The following CDCA2 variants were observed in gnomAD, a reference collection of about 807,000 sequenced individuals.
CDCA2 encodes the protein cell division cycle associated 2.
In CDCA2, 44 loss-of-function variants were observed where a neutral mutation model predicts 67.0. The ratio of observed to expected loss-of-function variants is 0.66; its 90% CI spans 0.52 to 0.84. CDCA2 has a LOEUF of 0.84. Ranked by LOEUF, CDCA2 falls within the 40% of genes least tolerant of loss-of-function variation. The probability of loss-of-function intolerance (pLI) is 0.00; values close to 1 mark genes in which losing one functional copy is unlikely to be tolerated. For missense variants in CDCA2, 1,253 were observed against 1,203.2 expected (o/e 1.04, Z -0.61); for synonymous variants, 447 against 418.7 (o/e 1.07, Z -0.82).
chr8:25,497,126 G>A (rs962009849), intron 13 of CDCA2, among the ~76,000 whole-genome samples: 6 of 152,222 alleles, frequency 3.9e-5, no homozygotes, highest in African/African-American at 1.4e-4. Context: ...CTGGACTCTA[G>A]TTGTTTATGA....
chr8:25,505,575 T>A (rs1203670497), intron 14 of CDCA2, among the ~76,000 whole-genome samples: 2 of 152,264 alleles, frequency 1.3e-5, no homozygotes, highest in Non-Finnish European at 2.9e-5. Context: ...CTGACCTGTT[T>A]AATCTCTAGC....
chr8:25,468,546 T>TGTGC (rs1405732751), intron 6 of CDCA2, 133 bp downstream of exon 6: 5 of 518,718 alleles, frequency 9.6e-6, no homozygotes, highest in Non-Finnish European at 1.7e-5. Context: ...TGTGTGTGTG[T>TGTGC]GTGTGTGTGT....
In CDCA2 at chr8:25,507,734, A is replaced by C. The variant is rs1364392628; in HGVS notation, c.3068A>C (p.Gln1023Pro). The change falls in exon 15 of 15, where the codon CAG (glutamine) becomes CCG (proline). Residue 1023 changes from glutamine to proline, a missense_variant. Coordinates refer to ENST00000330560, the MANE Select transcript of CDCA2 (RefSeq NM_152562.4). ...ERIEHNGERK[Q>P] is the part of the protein sequence containing the mutation. ...ATTGAACATAATGGAGAAAGAAAGC[A>C]GTAATTGACATTTCCTGCAGAGTCT... The C allele has an allele frequency of 3.7e-6, 6 of 1,609,308 alleles. No individual in the cohort carries two copies. In the Admixed American group the frequency reaches 1.0e-4, roughly 27 times the overall value.
Position 25,488,678 on chromosome 8 carries a change from A to G in CDCA2, c.1660A>G (p.Lys554Glu), listed in dbSNP as rs181547876. The G allele has an allele frequency of 5.0e-6, 8 of 1,605,764 alleles. No homozygotes were observed. In the Admixed American group the frequency reaches 1.2e-4, roughly 24 times the overall value. ...ETKCTKRALP[K>E]KSQVLKSCRK... ...AAAGTGTACAAAGAGAGCACTTCCT[A>G]AGAAGAGTCAGGTAAGCATGTGTTT... The change falls in exon 13 of 15, where the codon AAG becomes GAG. Residue 554 changes from lysine (K) to glutamate (E), a missense_variant. Transcript: ENST00000330560.
At chr8:25,474,370 T>C (rs1803268556) in intron 7 of CDCA2, among the ~76,000 whole-genome samples, 1 of 152,246 alleles carries the variant, frequency 6.6e-6, no homozygotes, top group Admixed American at 6.5e-5. Context: ...GTTCTTTAAA[T>C]GTTTGATGGA....
chr8:25,507,040 T>C lies in CDCA2; in HGVS notation c.2374T>C (p.Cys792Arg), dbSNP rs984519435. Reference protein sequence around the residue: ...LMPNSQKDCHCLGDVLIENTK... With the variant: ...LMPNSQKDCHRLGDVLIENTK... ...GCCTAATTCACAAAAAGACTGTCATTGTTTAGGAGATGTCTTAATTGAAAA... is the reference window on the plus strand; with the variant it reads ...GCCTAATTCACAAAAAGACTGTCATCGTTTAGGAGATGTCTTAATTGAAAA... Residue 792 changes from cysteine to arginine, a missense_variant, in exon 15 of 15, where the codon TGT becomes CGT. Physicochemically the swap from Cys to Arg is radical, Grantham distance 180. Transcript: ENST00000330560. 4 of 1,613,766 alleles carry C rather than the reference T, an allele frequency of 2.5e-6. No individual in the cohort carries two copies. In the African/African-American group the frequency reaches 5.3e-5, roughly 22 times the overall value.
chr8:25,484,183 A>G lies in CDCA2; in HGVS notation c.1338A>G (p.Pro446=). The part of the protein sequence containing the change: ...QSPVPEPLPQ[P]DFDDKGENLE... ...CTGTTCCTGAGCCATTACCTCAACC[A>G]GATTTTGATGACAAGGGGGAGAATC... is the stretch of plus-strand genomic sequence containing the variant. Residue 446 remains proline (P), a synonymous_variant, in exon 10 of 15, where the codon CCA becomes CCG. Transcript: ENST00000330560. The G allele has an allele frequency of 1.2e-6, 2 of 1,614,148 alleles. No homozygotes were observed. Among genetic ancestry groups the G allele is most frequent in the Non-Finnish European group, 1.7e-6 (2 of 1,179,988 alleles).
At position 25,507,120 on chromosome 8, in the gene CDCA2, T is replaced by C; in HGVS notation, c.2454T>C (p.Ser818=). ...SEDLGRKPME[S]SSVVSCRDRK... ...ATTTGGGAAGAAAACCCATGGAAAG[T>C]AGCAGTGTTGTGAGTTGCAGAGACA... is the stretch of plus-strand genomic sequence containing the variant. The change falls in exon 15 of 15, where the codon AGT becomes AGC. Residue 818 remains serine, a synonymous_variant. Transcript: ENST00000330560. The C allele has an allele frequency of 6.2e-7, 1 of 1,614,148 alleles. No homozygotes were observed. Among genetic ancestry groups the C allele is most frequent in the Non-Finnish European group, 8.5e-7 (1 of 1,180,018 alleles).
At position 25,507,572 on chromosome 8, in the gene CDCA2, A is replaced by G; in HGVS notation, c.2906A>G (p.Asp969Gly). The G allele has an allele frequency of 6.2e-7, 1 of 1,614,220 alleles. No homozygotes were observed. Residue 969 changes from aspartate (D) to glycine (G), a missense_variant, in exon 15 of 15, where the codon GAT (aspartate) becomes GGT (glycine). Asp to Gly is a moderately conservative substitution (Grantham distance 94). Transcript: ENST00000330560. The part of the protein sequence containing the change: ...NSQGPAAGSS[D>G]EPGKRRKSFC... ...CAGGGCCCTGCTGCTGGTTCTTCCG[A>G]TGAACCTGGTAAGAGGAGGAAGAGC...
rs377072966 is a variant in CDCA2 at position 25,503,555 on chromosome 8, A to G, written c.1843+11A>G. On this transcript the variant is annotated intron_variant, in intron 14 of 14. Coordinates refer to ENST00000330560, the MANE Select transcript of CDCA2 (RefSeq NM_152562.4). ...GAAGACTGGGTTCAGGTATCCTGAC[A>G]TTTTCCTGGTAGTTATATTTTATCT... 1.8e-5 allele frequency: 28 copies of G among 1,581,684 alleles called. No individual in the cohort carries two copies. The African/African-American group carries it at 1.9e-4, about 11-fold the overall frequency.
chr8:25,466,076 T>C (rs764677836), intron 4 of CDCA2, 99 bp from the exon 5 acceptor site: 29 of 1,077,596 alleles, frequency 2.7e-5, no homozygotes, highest in Non-Finnish European at 3.9e-5. Flanking sequence ...AAAAAGCATA[T>C]GTGTACTGTA....
intron 8 of CDCA2, among the ~76,000 whole-genome samples, chr8:25,482,133 T>A (rs540103197): frequency 2.7e-4 from 41 of 152,344 alleles, no homozygotes; most frequent in Admixed American, 1.9e-3. Flanking sequence ...CGTTCTGTCT[T>A]TTTATACAGG....
At chr8:25,501,906 G>C (rs1391697364) in intron 13 of CDCA2, among the ~76,000 whole-genome samples, 1 of 151,964 alleles carries the variant, frequency 6.6e-6, no homozygotes. Flanking sequence ...GTTTTGTTTT[G>C]TTTTGTTTTT....
At chr8:25,474,522 G>C (rs1380766360) in intron 7 of CDCA2, among the ~76,000 whole-genome samples, 1 of 152,018 alleles carries the variant, frequency 6.6e-6, no homozygotes, top group Non-Finnish European at 1.5e-5. Context: ...CAATTTCTTG[G>C]CATTTAATTA....
intron 7 of CDCA2, among the ~76,000 whole-genome samples, chr8:25,475,423 G>A (rs1803310704): frequency 6.6e-6 from 1 of 152,170 alleles, no homozygotes; most frequent in African/African-American, 2.4e-5. Flanking sequence ...GGAGGCTGAG[G>A]CAGGAGAATT....
chr8:25,499,828 A>G (rs1304220341), intron 13 of CDCA2, among the ~76,000 whole-genome samples: 1 of 152,142 alleles, frequency 6.6e-6, no homozygotes, highest in Non-Finnish European at 1.5e-5. Flanking sequence ...CCATTTATTG[A>G]TCAAATGGCT....
At chr8:25,478,886 G>GTA (rs772237376) in intron 7 of CDCA2, among the ~76,000 whole-genome samples, 13 of 119,802 alleles carry the variant, frequency 1.1e-4, no homozygotes, top group African/African-American at 3.0e-4. Flanking sequence ...TGTTGTGTGT[G>GTA]TGTATATATA....
rs114011670 is a variant in CDCA2 at position 25,507,103 on chromosome 8, A to G, written c.2437A>G (p.Arg813Gly). ...TAAAAGCCAGAGTGAGGATTTGGGA[A>G]GAAAACCCATGGAAAGTAGCAGTGT... ...ESKSQSEDLG[R>G]KPMESSSVVS... The change falls in exon 15 of 15, where the codon AGA becomes GGA. Residue 813 changes from arginine to glycine, a missense_variant. Transcript: ENST00000330560. The G allele has an allele frequency of 9.3e-5, 150 of 1,614,214 alleles. No homozygotes were observed. In the East Asian group the frequency reaches 3.0e-3, roughly 33 times the overall value.
At position 25,466,156 on chromosome 8, in the gene CDCA2, A is replaced by G. The variant is rs779669663; in HGVS notation, c.388-19A>G. ...ATGAATTGATTATAATACTCCTTGTATATTTTGCACTTTCACAGGGCAGCC... is the reference window on the plus strand; with the variant it reads ...ATGAATTGATTATAATACTCCTTGTGTATTTTGCACTTTCACAGGGCAGCC... On this transcript the variant is annotated intron_variant, in intron 4 of 14. Transcript: ENST00000330560. 3 of 1,584,680 alleles carry G rather than the reference A, an allele frequency of 1.9e-6. No homozygotes were observed. The South Asian group carries it at 3.5e-5, about 19-fold the overall frequency.
Sources: allele counts gnomAD v4.1 joint callset (sites outside exome capture counted in the v4.1 genomes callset), GRCh38; gene constraint gnomAD v4.1.1; transcripts MANE v1.5; gene names NCBI Gene and HGNC (gene_info 2026-07-23, HGNC 2026-07-21).